NALF1: variants seen among roughly 807,000 people sequenced by gnomAD.
The protein encoded by NALF1 is NALCN channel auxiliary factor 1, also known as family with sequence similarity 155 member A.
In NALF1, 3 loss-of-function variants were observed where a neutral mutation model predicts 48.4. The observed-to-expected ratio is 0.06, with a 90% CI of 0.03 to 0.16. The LOEUF (loss-of-function observed/expected upper bound fraction) is 0.16. Ranked by LOEUF, NALF1 falls within the 10% of genes least tolerant of loss-of-function variation. NALF1 has a pLI of 1.00. For missense variants in NALF1, 526 were observed against 571.5 expected (o/e 0.92, Z 0.81); for synonymous variants, 262 against 245.7 (o/e 1.07, Z -0.62).
chr13:107,798,802 T>C (rs1206315696), intron 1 of NALF1, among the ~76,000 whole-genome samples: 3 of 152,220 alleles, frequency 2.0e-5, no homozygotes, highest in Non-Finnish European at 4.4e-5. Flanking sequence ...ATACAGTCTG[T>C]AGTCCATGAA....
intron 1 of NALF1, among the ~76,000 whole-genome samples, chr13:107,590,579 A>G (rs1434187979): frequency 1.3e-5 from 2 of 152,014 alleles, no homozygotes; most frequent in Admixed American, 1.3e-4. Flanking sequence ...AAAGATTTAG[A>G]ACAGAGAAGA....
Position 107,591,481 on chromosome 13 carries a change from C to T in NALF1, c.915+274201G>A, listed in dbSNP as rs1264237889. ...AGATTTTTACTTACTTTATTATACA[C>T]ATCAATTAAATGCCAGATGCAACAT... On this transcript the variant is annotated intron_variant, in intron 1 of 2. Transcript: ENST00000375915. Among the ~76,000 whole-genome samples, 3 of 152,092 alleles carry T rather than the reference C, an allele frequency of 2.0e-5. No homozygotes were observed. In the East Asian group the frequency reaches 5.8e-4, roughly 29 times the overall value.
chr13:107,265,639 C>T (rs1169503246), intron 1 of NALF1, among the ~76,000 whole-genome samples: 1 of 151,930 alleles, frequency 6.6e-6, no homozygotes, highest in Non-Finnish European at 1.5e-5. Flanking sequence ...CTCCTGACCT[C>T]AGGTGATCCA....
chr13:107,677,996 T>C (rs1165363571), intron 1 of NALF1, among the ~76,000 whole-genome samples: 1 of 152,166 alleles, frequency 6.6e-6, no homozygotes, highest in African/African-American at 2.4e-5. Flanking sequence ...TTGAAAAAAC[T>C]TCTATATAAA....
chr13:107,333,633 A>AT (rs1882507423), intron 1 of NALF1, among the ~76,000 whole-genome samples: 1 of 152,246 alleles, frequency 6.6e-6, no homozygotes, highest in African/African-American at 2.4e-5. Flanking sequence ...AAATCAGCGA[A>AT]CAGTGAGAAT....
chr13:107,235,733 TG>T (rs748256771), intron 1 of NALF1, among the ~76,000 whole-genome samples: 6 of 152,336 alleles, frequency 3.9e-5, no homozygotes, highest in Non-Finnish European at 7.3e-5. Context: ...GTCTGTCATT[TG>T]TTTGCCTGTG....
At position 107,191,587 on chromosome 13, in the gene NALF1, A is replaced by G. The variant is rs375238642; in HGVS notation, c.1087+18997T>C. On this transcript the variant is annotated intron_variant, in intron 2 of 2. Coordinates refer to ENST00000375915, the MANE Select transcript of NALF1 (RefSeq NM_001080396.3). ...CTGATATGTTAGAAGCCGGGGTCCTAGGAGCTTCTCCACGACTTTCACAGT... is the reference window on the plus strand; with the variant it reads ...CTGATATGTTAGAAGCCGGGGTCCTGGGAGCTTCTCCACGACTTTCACAGT... Among the ~76,000 whole-genome samples the G allele has an allele frequency of 7.9e-5, 12 of 152,158 alleles. 1 individual carries two copies. The East Asian group carries it at 9.6e-4, about 12-fold the overall frequency.
chr13:107,437,264 G>A (rs1189682829), intron 1 of NALF1, among the ~76,000 whole-genome samples: 1 of 152,000 alleles, frequency 6.6e-6, no homozygotes, highest in Non-Finnish European at 1.5e-5. Context: ...CACATGCAGG[G>A]GTACACTGAC....
chr13:107,528,391 T>C (rs955871507), intron 1 of NALF1, among the ~76,000 whole-genome samples: 1 of 152,186 alleles, frequency 6.6e-6, no homozygotes, highest in Non-Finnish European at 1.5e-5. Flanking sequence ...ATCAGTTACT[T>C]GTAACCTTTA....
rs149127965 is a variant in NALF1 at position 107,822,226 on chromosome 13, C to T, written c.915+43456G>A. Among the ~76,000 whole-genome samples, 388 of 152,246 alleles carry T rather than the reference C, an allele frequency of 2.5e-3. 1 individual carries two copies. The highest frequency in any genetic ancestry group is 8.9e-3 in the African/African-American group (368 of 41,524). On this transcript the variant is annotated intron_variant, in intron 1 of 2. Transcript: ENST00000375915. ...GCAAAAACAATAAAGCCCAGTTTGA[C>T]TTCCATTCCTTTTTAAGAAAATGCA...
At chr13:107,348,575 G>A (rs776769017) in intron 1 of NALF1, among the ~76,000 whole-genome samples, 3 of 151,948 alleles carry the variant, frequency 2.0e-5, no homozygotes, top group Non-Finnish European at 2.9e-5. Flanking sequence ...GTTTTTGTCC[G>A]AATGCTCTCC....
chr13:107,461,380 C>T (rs1202468054), intron 1 of NALF1, among the ~76,000 whole-genome samples: 1 of 152,116 alleles, frequency 6.6e-6, no homozygotes, highest in Non-Finnish European at 1.5e-5. Flanking sequence ...TAAATATTCA[C>T]ATCTAATGTC....
chr13:107,307,445 ATTGATTCAT>A (rs1881957810), intron 1 of NALF1, among the ~76,000 whole-genome samples: 1 of 151,992 alleles, frequency 6.6e-6, no homozygotes, highest in Non-Finnish European at 1.5e-5. Context: ...GATTTATTTG[ATTGATTCAT>A]TTGGATGATC....
intron 1 of NALF1, among the ~76,000 whole-genome samples, chr13:107,596,829 A>T (rs1166268707): frequency 6.6e-6 from 1 of 152,212 alleles, no homozygotes; most frequent in African/African-American, 2.4e-5. Context: ...TAATATATGG[A>T]AAAAGAAAAG....
At chr13:107,291,273 C>T (rs1033060604) in intron 1 of NALF1, among the ~76,000 whole-genome samples, 2 of 151,918 alleles carry the variant, frequency 1.3e-5, no homozygotes, top group Non-Finnish European at 2.9e-5. Flanking sequence ...TTTCCTGGTT[C>T]ATGTGTTTAG....
chr13:107,661,117 T>C (rs1488116443), intron 1 of NALF1, among the ~76,000 whole-genome samples: 1 of 152,184 alleles, frequency 6.6e-6, no homozygotes, highest in African/African-American at 2.4e-5. Context: ...TTCAGTGCTA[T>C]GAGCTTCTAA....
intron 1 of NALF1, among the ~76,000 whole-genome samples, chr13:107,575,949 GTA>G (rs1317298211): frequency 2.0e-5 from 2 of 100,976 alleles, no homozygotes; most frequent in Non-Finnish European, 4.6e-5. Flanking sequence ...GTGTGTATGT[GTA>G]TGTGTGTGTT....
At chr13:107,787,078 C>T (rs1264714527) in intron 1 of NALF1, among the ~76,000 whole-genome samples, 1 of 152,180 alleles carries the variant, frequency 6.6e-6, no homozygotes, top group East Asian at 1.9e-4. Context: ...CCTACACCTA[C>T]TCCTGACCTA....
At chr13:107,271,521 G>T (rs1881164243) in intron 1 of NALF1, among the ~76,000 whole-genome samples, 1 of 151,974 alleles carries the variant, frequency 6.6e-6, no homozygotes, top group African/African-American at 2.4e-5. Flanking sequence ...AGACGACTGG[G>T]GCTGCAGAGG....
Sources: gnomAD v4.1 joint callset for allele counts (sites outside exome capture counted in the v4.1 genomes callset) on GRCh38, gnomAD v4.1.1 for gene constraint, MANE v1.5 for transcripts, NCBI Gene and HGNC (gene_info 2026-07-23, HGNC 2026-07-21) for gene names.